Variants in DGKH observed in about 807,000 individuals in gnomAD.
The protein encoded by DGKH is DAG kinase eta.
DGKH carries 90 observed loss-of-function variants against 159.3 expected under a neutral mutation model. That is an observed-to-expected ratio of 0.57 (90% confidence interval 0.48 to 0.67). The LOEUF (loss-of-function observed/expected upper bound fraction) is 0.67. Ranked by LOEUF, DGKH falls within the 30% of genes least tolerant of loss-of-function variation. DGKH has a pLI of 0.00. For synonymous variants in DGKH, 536 were observed against 553.8 expected (o/e 0.97, Z 0.45); for missense variants, 1,181 against 1,506.1 (o/e 0.78, Z 3.57).
In DGKH at chr13:42,106,468, CAT is replaced by C. The variant is rs559384656; in HGVS notation, c.193-20994_193-20993del. On this transcript the variant is annotated intron_variant, in intron 1 of 29. Transcript: ENST00000337343. ...AGAGCAGCATAGACAATGAGAGTAACATGTGATATGGCCTCACATCCAGGACG... is the reference window on the plus strand; with the variant it reads ...AGAGCAGCATAGACAATGAGAGTAACGTGATATGGCCTCACATCCAGGACG... Among the ~76,000 whole-genome samples the C allele has an allele frequency of 5.2e-3, 785 of 152,298 alleles. 4 individuals are homozygous for C. Among genetic ancestry groups the C allele is most frequent in the Non-Finnish European group, 8.9e-3 (607 of 68,020 alleles).
At chr13:42,200,733 A>G (rs928566891) in intron 20 of DGKH, among the ~76,000 whole-genome samples, 1 of 152,194 alleles carries the variant, frequency 6.6e-6, no homozygotes, top group Non-Finnish European at 1.5e-5. Context: ...TTCTTTAAAA[A>G]CTATATTTCC....
rs1260529987 is a variant in DGKH at position 42,221,368 on chromosome 13, T to G, written c.3547T>G (p.Leu1183Val). The change falls in exon 29 of 30, where the codon TTG (leucine) becomes GTG (valine). Residue 1183 changes from leucine (L) to valine (V), a missense_variant. Coordinates refer to ENST00000337343, the MANE Select transcript of DGKH (RefSeq NM_178009.5). ...TCATGACATCAGAGGGGCTGAACTT[T>G]TGCATCTGGAAAGGCGAGATCTTAA... The part of the protein sequence containing the change: ...IRHDIRGAEL[L>V]HLERRDLKDL... The G allele has an allele frequency of 6.2e-7, 1 of 1,613,630 alleles. No homozygotes were observed. The highest frequency in any genetic ancestry group is 1.3e-5 in the African/African-American group (1 of 74,906).
At chr13:42,194,765 A>G in intron 16 of DGKH, 120 bp from the exon 17 acceptor site, 3 of 1,178,532 alleles carry the variant, frequency 2.5e-6, no homozygotes, top group South Asian at 3.4e-5. Context: ...ATAGCTATGC[A>G]TAATATTTTC....
upstream of DGKH, among the ~76,000 whole-genome samples, chr13:42,047,368 A>C (rs1880859127): frequency 2.0e-5 from 3 of 152,210 alleles, no homozygotes; most frequent in African/African-American, 7.2e-5. Flanking sequence ...GGAACCTTAA[A>C]GGTCATGTCA....
intron 1 of DGKH, chr13:42,069,443 T>C: frequency 6.4e-7 from 1 of 1,556,666 alleles, no homozygotes; most frequent in Non-Finnish European, 8.8e-7. Context: ...TCAAGTCGAT[T>C]TAATTTATCA....
chr13:42,188,931 C>A, intron 14 of DGKH, 105 bp from the exon 15 acceptor site: 1 of 1,318,192 alleles, frequency 7.6e-7, no homozygotes, highest in Non-Finnish European at 1.0e-6. Flanking sequence ...GTTTTTCTCT[C>A]TAGTGATTAA....
chr13:42,088,535 A>G (rs867567176), intron 1 of DGKH, among the ~76,000 whole-genome samples: 30 of 152,282 alleles, frequency 2.0e-4, no homozygotes, highest in Non-Finnish European at 2.5e-4. Flanking sequence ...CTGTAACCGA[A>G]GAGAAAATAT....
rs772703323 is a variant in DGKH at position 42,187,141 on chromosome 13, C to T, written c.1631C>T (p.Ala544Val). 7 of 1,613,648 alleles carry T rather than the reference C, an allele frequency of 4.3e-6. No homozygotes were observed. Among genetic ancestry groups the T allele is most frequent in the Non-Finnish European group, 5.9e-6 (7 of 1,179,702 alleles). ...LENAVVADAV[A>V]SKCSVLNEKL... ...AATGCCGTTGTAGCTGATGCCGTGG[C>T]CAGTAAAGTAAGAGGGGACTCTTCA... The change falls in exon 14 of 30, where the codon GCC (alanine) becomes GTC (valine). Residue 544 changes from alanine (A) to valine (V), a missense_variant. By Grantham distance (64) the Ala-to-Val change is moderately conservative. This residue lies in a region of DGKH where 257 missense variants were observed against 281.5 expected (regional missense o/e 0.91). Coordinates refer to ENST00000337343, the MANE Select transcript of DGKH (RefSeq NM_178009.5).
intron 3 of DGKH, among the ~76,000 whole-genome samples, chr13:42,137,297 T>G (rs1955420931): frequency 6.6e-6 from 1 of 152,268 alleles, no homozygotes; most frequent in African/African-American, 2.4e-5. Context: ...GAATAATCAC[T>G]GACAAGTAAG....
At chr13:42,094,178 T>G (rs976650975) in intron 1 of DGKH, among the ~76,000 whole-genome samples, 1 of 150,044 alleles carries the variant, frequency 6.7e-6, no homozygotes, top group African/African-American at 2.5e-5. Flanking sequence ...AAATGATGAG[T>G]TAATGGGTGC....
chr13:42,216,654 G>T (rs1957803167), intron 26 of DGKH: 1 of 152,220 alleles, frequency 6.6e-6, no homozygotes, highest in African/African-American at 2.4e-5. Flanking sequence ...GAAGCTGAAA[G>T]GCTGCATGAA....
chr13:42,113,783 A>G (rs1954913749), intron 1 of DGKH, among the ~76,000 whole-genome samples: 2 of 152,178 alleles, frequency 1.3e-5, no homozygotes, highest in South Asian at 4.1e-4. Flanking sequence ...GGGGAAAAAT[A>G]GTTCTTATAT....
intron 1 of DGKH, among the ~76,000 whole-genome samples, chr13:42,103,279 AG>A (rs1398496356): frequency 6.6e-6 from 1 of 152,218 alleles, no homozygotes; most frequent in African/African-American, 2.4e-5. Flanking sequence ...TGATGTTATT[AG>A]GGTGGTAGTA....
upstream of DGKH, among the ~76,000 whole-genome samples, chr13:42,044,644 C>T (rs79166968): frequency 1.3e-3 from 196 of 152,274 alleles, 1 homozygote; most frequent in African/African-American, 4.4e-3. Context: ...CTTTACGACA[C>T]GATTGGGAGA....
chr13:42,206,981 TTCTTTCTTTC>T (rs1957493354), intron 21 of DGKH, among the ~76,000 whole-genome samples: 1 of 78,706 alleles, frequency 1.3e-5, no homozygotes. Context: ...TACTTTTTCT[TTCTTTCTTTC>T]TTTCTTTCTT....
intron 29 of DGKH, among the ~76,000 whole-genome samples, chr13:42,248,352 G>A (rs1958596174): frequency 6.6e-6 from 1 of 151,660 alleles, no homozygotes; most frequent in African/African-American, 2.4e-5. Flanking sequence ...AACCCGGGAG[G>A]CAGAGGTTGC....
rs183261744 is a variant in DGKH, at chr13:42,233,972, G to A, written c.*4784G>A. The A allele has an allele frequency of 1.6e-4, 25 of 152,288 alleles. No individual in the cohort carries two copies. The East Asian group carries it at 3.7e-3, about 22-fold the overall frequency. 9.4% of individuals were successfully genotyped at this position (152,288 alleles called of 1,614,324 possible). ...AAAAAGAAAAGGAATGAACCAAGAT[G>A]ATTGCAAGTTAATCTCATTTAAGCC... On this transcript the variant is annotated 3_prime_UTR_variant, in exon 30 of 30. Coordinates refer to ENST00000337343, the MANE Select transcript of DGKH (RefSeq NM_178009.5).
At chr13:42,192,744 T>C (rs1387189327) in intron 16 of DGKH, among the ~76,000 whole-genome samples, 1 of 152,174 alleles carries the variant, frequency 6.6e-6, no homozygotes. Context: ...TACATCTTCT[T>C]TTCCAGATGA....
intron 9 of DGKH, among the ~76,000 whole-genome samples, chr13:42,166,998 G>A (rs1956330148): frequency 6.6e-6 from 1 of 152,104 alleles, no homozygotes; most frequent in Non-Finnish European, 1.5e-5. Context: ...TGATTTGCAT[G>A]GAAGGCTGAT....
Sources: allele counts gnomAD v4.1 joint callset (sites outside exome capture counted in the v4.1 genomes callset), GRCh38; gene constraint gnomAD v4.1.1; regional missense constraint gnomAD v4.1.1; transcripts MANE v1.5; gene names NCBI Gene and HGNC (gene_info 2026-07-23, HGNC 2026-07-21).